The following MARK2 variants were observed in gnomAD, a reference collection of about 807,000 sequenced individuals.
MARK2 encodes the protein serine/threonine-protein kinase MARK2.
A neutral mutation model predicts 89.8 loss-of-function variants in MARK2; 16 were observed. The ratio of observed to expected loss-of-function variants is 0.18; its 90% CI spans 0.12 to 0.27. MARK2 has a LOEUF of 0.27. MARK2 is among the 10% of genes least tolerant of loss of function. MARK2 has a pLI of 1.00. For synonymous variants in MARK2, 382 were observed against 399.5 expected (o/e 0.96, Z 0.52); for missense variants, 621 against 1,049.9 (o/e 0.59, Z 5.65).
At chr11:63,856,789 T>G (rs1261469539) in intron 1 of MARK2, among the ~76,000 whole-genome samples, 3 of 104,894 alleles carry the variant, frequency 2.9e-5, no homozygotes, top group African/African-American at 1.2e-4. Context: ...TTTTTTTTTT[T>G]TTTTTTTTTT....
At chr11:63,869,669 G>A (rs1321073553) in intron 1 of MARK2, among the ~76,000 whole-genome samples, 1 of 152,168 alleles carries the variant, frequency 6.6e-6, no homozygotes, top group Non-Finnish European at 1.5e-5. Flanking sequence ...GATTTCTGGA[G>A]TTGTCTACCT....
chr11:63,899,277 G>T (rs1397570005), intron 7 of MARK2, among the ~76,000 whole-genome samples, 169 bp downstream of exon 7: 4 of 147,864 alleles, frequency 2.7e-5, no homozygotes, highest in Non-Finnish European at 6.0e-5. Flanking sequence ...TGACCAGAAA[G>T]CCCCTAGGGC....
At chr11:63,907,570 G>T (rs1277199210) in intron 17 of MARK2, among the ~76,000 whole-genome samples, 1 of 152,060 alleles carries the variant, frequency 6.6e-6, no homozygotes, top group East Asian at 1.9e-4. Flanking sequence ...CAACCAAGGT[G>T]TCTGCCCTGC....
intron 1 of MARK2, among the ~76,000 whole-genome samples, chr11:63,852,582 T>A (rs2016625254): frequency 6.6e-6 from 1 of 151,538 alleles, no homozygotes; most frequent in Non-Finnish European, 1.5e-5. Context: ...AACCCATAGC[T>A]GCAACTTGTA....
chr11:63,852,940 C>G (rs564169229), intron 1 of MARK2, among the ~76,000 whole-genome samples: 30 of 152,236 alleles, frequency 2.0e-4, no homozygotes, highest in Non-Finnish European at 3.8e-4. Flanking sequence ...TCACTGAAGC[C>G]TCTATCTAAC....
rs1246746986 is a variant in MARK2, at chr11:63,884,931, G to T, written c.55-10228G>T. The stretch of plus-strand genomic sequence containing the variant: ...AAGATGTCCCATATGGCCATGCGCA[G>T]TGGCTCACTCCTGTGATCCCAGCAC... On this transcript the variant is annotated intron_variant, in intron 1 of 18. Transcript: ENST00000402010. Among the ~76,000 whole-genome samples, 4 of 152,260 alleles carry T rather than the reference G, an allele frequency of 2.6e-5. No homozygotes were observed. The East Asian group carries it at 7.7e-4, about 29-fold the overall frequency.
At chr11:63,864,698 G>A (rs1938027926) in intron 1 of MARK2, among the ~76,000 whole-genome samples, 1 of 151,336 alleles carries the variant, frequency 6.6e-6, no homozygotes, top group Non-Finnish European at 1.5e-5. Flanking sequence ...TGCCTGCTCT[G>A]TTGCCCTTGA....
intron 1 of MARK2, among the ~76,000 whole-genome samples, chr11:63,850,234 C>T (rs1400174855): frequency 6.6e-6 from 1 of 151,946 alleles, no homozygotes; most frequent in African/African-American, 2.4e-5. Context: ...CTGTGACCTC[C>T]ACCTCCCAGG....
intron 1 of MARK2, among the ~76,000 whole-genome samples, chr11:63,871,931 T>C (rs1433619600): frequency 1.5e-4 from 23 of 152,130 alleles, no homozygotes; most frequent in Non-Finnish European, 1.5e-5. Context: ...AGGATTTCAA[T>C]CCTTGGCTTT....
At position 63,909,297 on chromosome 11, in the gene MARK2, C is replaced by T. The variant is rs935316010; in HGVS notation, c.*60C>T. On this transcript the variant is annotated 3_prime_UTR_variant, in exon 19 of 19. Coordinates refer to ENST00000402010, the MANE Select transcript of MARK2 (RefSeq NM_001039469.3). ...CAGCTGGACGGGCTGCCGGCCGCTG[C>T]GCCGCCCCACCTGGGCGAGACTGCA... 2.0e-6 allele frequency: 3 copies of T among 1,468,652 alleles called. No homozygotes were observed. The highest frequency in any genetic ancestry group is 1.4e-5 in the African/African-American group (1 of 70,634). The allele number at this position is 1,468,652 out of a possible 1,614,324, so 91.0% of individuals were successfully genotyped here. A position where few individuals can be genotyped will look rare whatever the true frequency, so the allele number is the denominator to read the frequency against.
chr11:63,886,572 C>T lies in MARK2; in HGVS notation c.55-8587C>T, dbSNP rs896344343. On this transcript the variant is annotated intron_variant, in intron 1 of 18. Coordinates refer to ENST00000402010, the MANE Select transcript of MARK2 (RefSeq NM_001039469.3). Reference sequence around the variant, plus strand: ...CCGAGTAGCTGGGATTACAGGTGTACGCCACCACGCTCAGCAAATTTTTGT... The same window carrying T: ...CCGAGTAGCTGGGATTACAGGTGTATGCCACCACGCTCAGCAAATTTTTGT... Among the ~76,000 whole-genome samples the T allele has an allele frequency of 3.9e-5, 6 of 152,084 alleles. No individual in the cohort carries two copies. The South Asian group carries it at 6.2e-4, about 16-fold the overall frequency.
chr11:63,840,155 C>T (rs1028186801), intron 1 of MARK2, among the ~76,000 whole-genome samples: 1 of 152,180 alleles, frequency 6.6e-6, no homozygotes, highest in Non-Finnish European at 1.5e-5. Context: ...ACCAGCTCCA[C>T]CCTCATCACC....
At chr11:63,856,325 T>TG (rs1565100299) in intron 1 of MARK2, among the ~76,000 whole-genome samples, 2 of 149,728 alleles carry the variant, frequency 1.3e-5, no homozygotes, top group African/African-American at 4.9e-5. Flanking sequence ...TTTTTTGTTT[T>TG]TTTTTTTTTT....
intron 17 of MARK2, among the ~76,000 whole-genome samples, chr11:63,907,671 C>T (rs908947410): frequency 2.6e-5 from 4 of 152,150 alleles, no homozygotes; most frequent in African/African-American, 9.7e-5. Context: ...CGGAGGAGGC[C>T]GCCTTTTCCA....
rs765317429 is a variant in MARK2, at chr11:63,898,830, C to T, written c.471C>T (p.Arg157=). 6.2e-6 allele frequency: 10 copies of T among 1,613,404 alleles called. No homozygotes were observed. In the East Asian group the frequency reaches 8.9e-5, roughly 14 times the overall value. The change falls in exon 6 of 19, where the codon CGC becomes CGT. Residue 157 remains arginine (R), a synonymous_variant. Coordinates refer to ENST00000402010, the MANE Select transcript of MARK2 (RefSeq NM_001039469.3). ...AAAAAGAGGCTCGAGCCAAATTCCG[C>T]CAGGTAGGTGTGACTCCCTCCATAG... ...MKEKEARAKF[R]QIVSAVQYCH...
chr11:63,887,350 C>T (rs1266435981), intron 1 of MARK2, among the ~76,000 whole-genome samples: 2 of 152,200 alleles, frequency 1.3e-5, no homozygotes, highest in African/African-American at 4.8e-5. Flanking sequence ...GTCTCATAAC[C>T]TCTGAATGCC....
At chr11:63,875,544 G>A (rs1938698671) in intron 1 of MARK2, among the ~76,000 whole-genome samples, 1 of 152,246 alleles carries the variant, frequency 6.6e-6, no homozygotes, top group East Asian at 1.9e-4. Context: ...GAGACACTGT[G>A]GCCAACTTTC....
At chr11:63,887,742 C>G (rs1001402746) in intron 1 of MARK2, among the ~76,000 whole-genome samples, 1 of 152,120 alleles carries the variant, frequency 6.6e-6, no homozygotes, top group Non-Finnish European at 1.5e-5. Context: ...GGAGTCTTCT[C>G]CAGATGAGAG....
chr11:63,902,984 C>T lies in MARK2; in HGVS notation c.1417-77C>T. On this transcript the variant is annotated intron_variant, in intron 13 of 18. Transcript: ENST00000402010. This position sits in a 1 kb window ranked among gnomAD's most constrained non-coding sequence, Gnocchi z 4.2. ...AGGTGGAAGGGACAGGAAGCCTGTT[C>T]CATGAACCTGGGGGGAGAACCTGGC... 7.6e-7 allele frequency: 1 copy of T among 1,309,642 alleles called. No homozygotes were observed. Among genetic ancestry groups the T allele is most frequent in the Non-Finnish European group, 1.1e-6 (1 of 906,656 alleles). 81.1% of individuals were successfully genotyped at this position (1,309,642 alleles called of 1,614,324 possible).
Sources: allele counts gnomAD v4.1 joint callset (sites outside exome capture counted in the v4.1 genomes callset), GRCh38; gene constraint gnomAD v4.1.1; non-coding constraint Gnocchi (gnomAD v3.1); transcripts MANE v1.5; gene names NCBI Gene and HGNC (gene_info 2026-07-23, HGNC 2026-07-21).